Variants in NBAS observed in about 807,000 individuals in gnomAD.
NBAS encodes NAG/BC035112 fusion.
NBAS carries 219 observed loss-of-function variants against 302.5 expected under a neutral mutation model. The observed-to-expected ratio is 0.72, with a 90% CI of 0.65 to 0.81. NBAS has a LOEUF of 0.81. Ranked by LOEUF, NBAS falls within the 30% of genes least tolerant of loss-of-function variation. The pLI, the probability that NBAS is intolerant of heterozygous loss-of-function variation, is 0.00. For missense variants in NBAS, 2,932 were observed against 2,841.6 expected (o/e 1.03, Z -0.72); for synonymous variants, 1,118 against 1,021.6 (o/e 1.09, Z -1.80).
intron 25 of NBAS, among the ~76,000 whole-genome samples, chr2:15,414,030 A>G (rs1676805037): frequency 6.6e-6 from 1 of 152,220 alleles, no homozygotes; most frequent in Non-Finnish European, 1.5e-5. Context: ...TCTTCCTCAT[A>G]AAACATTCAT....
the NBAS span, among the ~76,000 whole-genome samples, chr2:15,124,354 C>G: frequency 1.3e-5 from 2 of 152,000 alleles, no homozygotes; most frequent in Admixed American, 1.3e-4. Flanking sequence ...GAGGAGGGAG[C>G]AAAAGAATAA....
chr2:15,399,512 C>T (rs1346748046), intron 26 of NBAS, among the ~76,000 whole-genome samples: 1 of 149,176 alleles, frequency 6.7e-6, no homozygotes, highest in Non-Finnish European at 1.5e-5. Context: ...CTCAGAGACA[C>T]ACTTGCTACA....
chr2:15,394,461 A>T, intron 27 of NBAS, 112 bp from the exon 28 acceptor site: 1 of 1,122,482 alleles, frequency 8.9e-7, no homozygotes, highest in Non-Finnish European at 1.3e-6. Context: ...AAATTATCCC[A>T]TAGTGTAATC....
intron 10 of NBAS, among the ~76,000 whole-genome samples, chr2:15,504,543 T>C (rs1277886123): frequency 6.6e-6 from 1 of 152,202 alleles, no homozygotes; most frequent in South Asian, 2.1e-4. Context: ...AACATCAGTA[T>C]AGAAAAAGCT....
At chr2:14,891,177 C>T in the NBAS span, among the ~76,000 whole-genome samples, 4 of 152,120 alleles carry the variant, frequency 2.6e-5, no homozygotes, top group Admixed American at 1.3e-4. Flanking sequence ...CAGTACCAGC[C>T]GGTGGGCAGA....
rs1330126954 is a variant in NBAS, at chr2:15,286,989, A to T, written c.5138+84T>A. 3.5e-6 allele frequency: 4 copies of T among 1,133,294 alleles called. No homozygotes were observed. The African/African-American group carries it at 6.2e-5, about 17-fold the overall frequency. The allele number at this position is 1,133,294 out of a possible 1,614,324, so 70.2% of individuals were successfully genotyped here. On this transcript the variant is annotated intron_variant, in intron 42 of 51. Transcript: ENST00000281513. ...TAGATTAAAGGAAAACTAAAATTGT[A>T]CTTTACAACTTCTTCAAGAGTCTTC... is the stretch of plus-strand genomic sequence containing the variant.
the NBAS span, among the ~76,000 whole-genome samples, chr2:14,800,785 G>GTTTTTTTTTTTTTTTTTTTTTTTTT: frequency 2.3e-5 from 3 of 129,526 alleles, 1 homozygote; most frequent in African/African-American, 6.4e-5. Flanking sequence ...GATTTAAATT[G>GTTTTTTTTTTTTTTTTTTTTTTTTT]TTTTTGTTTT....
At position 15,292,446 on chromosome 2, in the gene NBAS, T is replaced by C. The variant is rs1277165004; in HGVS notation, c.5027+91A>G. The C allele has an allele frequency of 5.1e-6, 7 of 1,366,540 alleles. No homozygotes were observed. In the African/African-American group the frequency reaches 1.0e-4, roughly 20 times the overall value. The allele number at this position is 1,366,540 out of a possible 1,614,324, so 84.7% of individuals were successfully genotyped here. On this transcript the variant is annotated intron_variant, in intron 41 of 51. Coordinates refer to ENST00000281513, the MANE Select transcript of NBAS (RefSeq NM_015909.4). ...TTCATAGCAACCATGAATGTAAAAC[T>C]TCAAAGGACTGAAATTAATAGTCCT...
intron 5 of NBAS, among the ~76,000 whole-genome samples, chr2:15,552,095 T>C (rs550151630): frequency 2.6e-5 from 4 of 152,310 alleles, no homozygotes; most frequent in African/African-American, 9.6e-5. Context: ...TGAAAACTGG[T>C]AAACCTTCTA....
chr2:15,179,310 C>A, intron 50 of NBAS, 194 bp from the exon 51 acceptor site: 1 of 722,554 alleles, frequency 1.4e-6, no homozygotes, highest in Admixed American at 2.6e-5. Context: ...AAACTGTGTA[C>A]AGATTTCCAA....
intron 21 of NBAS, among the ~76,000 whole-genome samples, chr2:15,459,559 A>G (rs1423152305): frequency 7.0e-6 from 1 of 143,858 alleles, no homozygotes; most frequent in Non-Finnish European, 1.5e-5. Flanking sequence ...AGCTCACTGC[A>G]AGCTCTGTCT....
At chr2:15,460,951 T>C (rs1229044332) in intron 21 of NBAS, among the ~76,000 whole-genome samples, 1 of 152,022 alleles carries the variant, frequency 6.6e-6, no homozygotes, top group African/African-American at 2.4e-5. Flanking sequence ...CAGTACATAC[T>C]GAATACACAG....
At chr2:15,054,178 C>T in the NBAS span, among the ~76,000 whole-genome samples, 1 of 152,304 alleles carries the variant, frequency 6.6e-6, no homozygotes, top group East Asian at 1.9e-4. Flanking sequence ...CACACACTCT[C>T]TTTCCATCAT....
the NBAS span, among the ~76,000 whole-genome samples, chr2:15,056,892 G>A: frequency 6.8e-6 from 1 of 147,280 alleles, no homozygotes; most frequent in Non-Finnish European, 1.5e-5. Flanking sequence ...GCAGTGGTGC[G>A]ATCTCAGCTC....
At chr2:14,827,592 T>G in the NBAS span, among the ~76,000 whole-genome samples, 1 of 152,216 alleles carries the variant, frequency 6.6e-6, no homozygotes, top group Non-Finnish European at 1.5e-5. Flanking sequence ...AGGCAGTATA[T>G]GCATTTAATG....
At chr2:15,527,700 T>C (rs1022862361) in intron 9 of NBAS, among the ~76,000 whole-genome samples, 1 of 152,200 alleles carries the variant, frequency 6.6e-6, no homozygotes. Context: ...ACATGGATTT[T>C]GGAGGGCAGA....
intron 21 of NBAS, among the ~76,000 whole-genome samples, chr2:15,438,042 T>A (rs189908567): frequency 1.7e-3 from 254 of 152,296 alleles, no homozygotes; most frequent in African/African-American, 5.9e-3. Context: ...GGATGGCAAT[T>A]TGGAAAAAGA....
At chr2:14,817,259 A>C in the NBAS span, among the ~76,000 whole-genome samples, 11 of 152,304 alleles carry the variant, frequency 7.2e-5, no homozygotes, top group African/African-American at 2.6e-4. Flanking sequence ...AGTATTCACT[A>C]TTCAGTACTT....
At chr2:15,286,608 C>A (rs1670054968) in intron 42 of NBAS, among the ~76,000 whole-genome samples, 1 of 152,224 alleles carries the variant, frequency 6.6e-6, no homozygotes. Flanking sequence ...TTCCCTTCTA[C>A]TTCTGTCGTT....
Sources: gnomAD v4.1 joint callset for allele counts (sites outside exome capture counted in the v4.1 genomes callset) on GRCh38, gnomAD v4.1.1 for gene constraint, MANE v1.5 for transcripts, NCBI Gene and HGNC (gene_info 2026-07-23, HGNC 2026-07-21) for gene names.